The following AGBL4 variants were observed in gnomAD, a reference collection of about 807,000 sequenced individuals.
The protein encoded by AGBL4 is cytosolic carboxypeptidase 6.
Under a neutral mutation model 66.4 loss-of-function variants are expected in AGBL4, and 58 were observed. That is an observed-to-expected ratio of 0.87 (90% CI 0.71 to 1.09). AGBL4 has a LOEUF of 1.09. Among genes scored for constraint, AGBL4 ranks in the 50% least tolerant of loss-of-function variants. The probability of loss-of-function intolerance (pLI) is 0.00; values close to 1 mark genes in which losing one functional copy is unlikely to be tolerated. For synonymous variants in AGBL4, 234 were observed against 222.9 expected (o/e 1.05, Z -0.44); for missense variants, 579 against 631.0 (o/e 0.92, Z 0.88).
chr1:49,222,686 A>G (rs931255274), intron 4 of AGBL4, among the ~76,000 whole-genome samples: 3 of 152,176 alleles, frequency 2.0e-5, no homozygotes, highest in African/African-American at 7.2e-5. Context: ...AATCATCCAA[A>G]ACAATCTTGT....
At chr1:49,806,052 G>C (rs754950542) in intron 2 of AGBL4, among the ~76,000 whole-genome samples, 13 of 152,152 alleles carry the variant, frequency 8.5e-5, no homozygotes, top group Non-Finnish European at 1.6e-4. Context: ...AAACTGTAAT[G>C]GGTAAAGGAT....
intron 6 of AGBL4, among the ~76,000 whole-genome samples, chr1:48,815,783 T>C (rs1020792018): frequency 2.6e-5 from 4 of 152,168 alleles, no homozygotes; most frequent in Admixed American, 6.5e-5. Flanking sequence ...TTCTTCACTG[T>C]ATGGATCTCA....
chr1:49,711,879 T>C (rs886554616), intron 2 of AGBL4, among the ~76,000 whole-genome samples: 2 of 152,064 alleles, frequency 1.3e-5, no homozygotes, highest in African/African-American at 4.8e-5. Context: ...AATGGTTACA[T>C]ACAGGGACTG....
At chr1:48,635,721 C>T (rs191563392) in intron 8 of AGBL4, among the ~76,000 whole-genome samples, 20 of 152,348 alleles carry the variant, frequency 1.3e-4, no homozygotes, top group Non-Finnish European at 2.6e-4. Flanking sequence ...CCCTACCCCA[C>T]ATCCTCAGTG....
At chr1:49,930,010 G>A (rs1197685712) in intron 1 of AGBL4, among the ~76,000 whole-genome samples, 8 of 151,892 alleles carry the variant, frequency 5.3e-5, no homozygotes, top group Admixed American at 5.2e-4. Context: ...AGAGAATAAA[G>A]TGAGATAATA....
intron 3 of AGBL4, among the ~76,000 whole-genome samples, chr1:49,635,661 T>C (rs967862734): frequency 1.3e-5 from 2 of 152,110 alleles, no homozygotes; most frequent in African/African-American, 4.8e-5. Context: ...TTTAAATCAT[T>C]AGGAAAATGC....
chr1:48,728,365 AC>A (rs1325009970), intron 6 of AGBL4, among the ~76,000 whole-genome samples: 1 of 148,232 alleles, frequency 6.7e-6, no homozygotes, highest in Non-Finnish European at 1.5e-5. Flanking sequence ...ATTCTCCTGA[AC>A]TTTTGCCTTT....
chr1:49,269,986 A>C (rs974699047), intron 3 of AGBL4, among the ~76,000 whole-genome samples: 1 of 152,114 alleles, frequency 6.6e-6, no homozygotes, highest in East Asian at 1.9e-4. Context: ...ACTGATGAAA[A>C]AATATGAATT....
chr1:49,338,232 C>A (rs1326570180), intron 3 of AGBL4, among the ~76,000 whole-genome samples: 1 of 152,142 alleles, frequency 6.6e-6, no homozygotes, highest in Admixed American at 6.5e-5. Flanking sequence ...AGACATTCCT[C>A]AAGAGAATAT....
chr1:49,314,763 G>A (rs1384150898), intron 3 of AGBL4, among the ~76,000 whole-genome samples: 4 of 151,990 alleles, frequency 2.6e-5, no homozygotes. Flanking sequence ...AGATTGCTGG[G>A]TCAAATGGTA....
chr1:49,726,183 G>C (rs1053903497), intron 2 of AGBL4, among the ~76,000 whole-genome samples: 4 of 152,134 alleles, frequency 2.6e-5, no homozygotes, highest in Admixed American at 6.6e-5. Flanking sequence ...TTGGGATTCA[G>C]AGAAGATAGA....
intron 3 of AGBL4, among the ~76,000 whole-genome samples, chr1:49,424,461 G>A (rs1178360504): frequency 2.6e-5 from 4 of 152,060 alleles, no homozygotes; most frequent in African/African-American, 9.7e-5. Context: ...AATTTCACTG[G>A]GAAAGTAAGA....
intron 4 of AGBL4, among the ~76,000 whole-genome samples, chr1:49,243,022 C>T (rs1028618934): frequency 4.0e-5 from 6 of 149,202 alleles, no homozygotes; most frequent in Non-Finnish European, 5.9e-5. Flanking sequence ...AATTTTTATA[C>T]ATATATATAT....
In AGBL4 at chr1:48,663,311, C is replaced by T. The variant is rs1646137077; in HGVS notation, c.635-70G>A. 5 of 1,435,676 alleles carry T rather than the reference C, an allele frequency of 3.5e-6. No individual in the cohort carries two copies. The Admixed American group carries it at 6.7e-5, about 19-fold the overall frequency. The allele number at this position is 1,435,676 out of a possible 1,614,324, so 88.9% of individuals were successfully genotyped here. ...GCTGAGTCTAGTGGTTGGTGTGTGG[C>T]AGGGAACCCCAGAGGGAATGGGCTG... On this transcript the variant is annotated intron_variant, in intron 6 of 13. Coordinates refer to ENST00000371839, the MANE Select transcript of AGBL4 (RefSeq NM_032785.4).
At chr1:49,431,228 A>G (rs1418566746) in intron 3 of AGBL4, among the ~76,000 whole-genome samples, 2 of 152,176 alleles carry the variant, frequency 1.3e-5, no homozygotes, top group African/African-American at 4.8e-5. Flanking sequence ...AGGTAATTGC[A>G]CCAATGCAGA....
At chr1:49,590,071 A>G (rs892038522) in intron 3 of AGBL4, among the ~76,000 whole-genome samples, 1 of 152,102 alleles carries the variant, frequency 6.6e-6, no homozygotes, top group Non-Finnish European at 1.5e-5. Context: ...TTTTAAATTG[A>G]TATAGAAATG....
intron 5 of AGBL4, among the ~76,000 whole-genome samples, chr1:48,993,989 CT>C (rs1276706622): frequency 2.6e-5 from 4 of 152,226 alleles, no homozygotes; most frequent in South Asian, 2.1e-4. Context: ...TAGAAAGGTG[CT>C]TTTTTTGTGT....
At chr1:48,541,912 T>C (rs1254987268) in intron 11 of AGBL4, among the ~76,000 whole-genome samples, 4 of 152,222 alleles carry the variant, frequency 2.6e-5, no homozygotes, top group African/African-American at 7.2e-5. Context: ...TACATAGGTA[T>C]ACACGTGCCA....
At chr1:49,015,877 A>G (rs1200279887) in intron 5 of AGBL4, among the ~76,000 whole-genome samples, 1 of 152,162 alleles carries the variant, frequency 6.6e-6, no homozygotes, top group Admixed American at 6.5e-5. Context: ...TTCAGCGGAA[A>G]AAAACCCCCA....
Sources: gnomAD v4.1 joint callset for allele counts (sites outside exome capture counted in the v4.1 genomes callset) on GRCh38, gnomAD v4.1.1 for gene constraint, MANE v1.5 for transcripts, NCBI Gene and HGNC (gene_info 2026-07-23, HGNC 2026-07-21) for gene names.